SMARCA4: variants seen among roughly 807,000 people sequenced by gnomAD.
SMARCA4 encodes the protein SWI/SNF-related matrix-associated actin-dependent regulator of chromatin subfamily A member 4.
SMARCA4 carries 31 observed loss-of-function variants against 193.9 expected under a neutral mutation model. The ratio of observed to expected loss-of-function variants is 0.16; its 90% CI spans 0.12 to 0.22. SMARCA4 has a LOEUF of 0.22. SMARCA4 is among the 10% of genes least tolerant of loss of function. The pLI, the probability that SMARCA4 is intolerant of heterozygous loss-of-function variation, is 1.00. For missense variants in SMARCA4, 1,148 were observed against 2,296.0 expected (o/e 0.50, Z 10.22); for synonymous variants, 942 against 933.1 (o/e 1.01, Z -0.17).
chr19:11,060,446 C>T (rs1341934832), intron 34 of SMARCA4: 3 of 571,014 alleles, frequency 5.3e-6, no homozygotes, highest in East Asian at 5.9e-5. Flanking sequence ...CGTGAGTCCT[C>T]AGGACAGGCA....
At position 11,034,241 on chromosome 19, in the gene SMARCA4, C is replaced by G; in HGVS notation, c.3951+41C>G. 4.0e-6 allele frequency: 6 copies of G among 1,485,324 alleles called. No individual in the cohort carries two copies. The highest frequency in any genetic ancestry group is 5.6e-6 in the Non-Finnish European group (6 of 1,062,860). The allele number at this position is 1,485,324 out of a possible 1,614,324, so 92.0% of individuals were successfully genotyped here. ...TGGATGGGGCAGTTCAGGCATCCCA[C>G]TCTGCTGCCACCAGGAGCAAAGCAG... On this transcript the variant is annotated intron_variant, in intron 28 of 34. Coordinates refer to ENST00000344626, the MANE Select transcript of SMARCA4 (RefSeq NM_003072.5). The surrounding 1 kb of genome is among the most constrained non-coding windows in gnomAD (Gnocchi z 7.0).
At position 11,058,061 on chromosome 19, in the gene SMARCA4, G is replaced by A. The variant is rs573622379; in HGVS notation, c.4425-194G>A. Among the ~76,000 whole-genome samples the A allele has an allele frequency of 2.6e-5, 4 of 151,194 alleles. No homozygotes were observed. The highest frequency in any genetic ancestry group is 9.7e-5 in the African/African-American group (4 of 41,192). ...GTGGAGGTTGCAGTGAGCCGAGATC[G>A]CACCATTGCACTCCAGCCTGGGCAG... On this transcript the variant is annotated intron_variant, in intron 30 of 34. Transcript: ENST00000344626. The surrounding 1 kb of genome is among the most constrained non-coding windows in gnomAD (Gnocchi z 5.8).
chr19:10,968,612 A>G (rs1169481267), intron 1 of SMARCA4, among the ~76,000 whole-genome samples: 1 of 151,084 alleles, frequency 6.6e-6, no homozygotes, highest in Non-Finnish European at 1.5e-5. Context: ...CTTCCTGACT[A>G]GCTGTGATTA....
Position 11,010,498 on chromosome 19 carries a change from G to A in SMARCA4, c.2241G>A (p.Ala747=), listed in dbSNP as rs1236572142. 6 of 1,613,934 alleles carry A rather than the reference G, an allele frequency of 3.7e-6. No individual in the cohort carries two copies. Among genetic ancestry groups the A allele is most frequent in the Non-Finnish European group, 4.2e-6 (5 of 1,180,028 alleles). The change falls in exon 15 of 35, where the codon GCG becomes GCA. Residue 747 remains alanine, a synonymous_variant. Coordinates refer to ENST00000344626, the MANE Select transcript of SMARCA4 (RefSeq NM_003072.5). ...CTGAGAGAGTGGACAAGCAGTCAGCGCTTATGGTCAATGGTGTCCTCAAAC... is the reference window on the plus strand; with the variant it reads ...CTGAGAGAGTGGACAAGCAGTCAGCACTTATGGTCAATGGTGTCCTCAAAC... ...AVTERVDKQS[A]LMVNGVLKQY...
Position 11,021,975 on chromosome 19 carries a change from T to G in SMARCA4, c.2859+8T>G, listed in dbSNP as rs1555778883. The G allele has an allele frequency of 3.1e-6, 5 of 1,611,634 alleles. No homozygotes were observed. The Admixed American group carries it at 6.7e-5, about 21-fold the overall frequency. Reference sequence around the variant, plus strand: ...GCCATGACCGGGGAAAAGGTGGGTTTGCCCAGCTGTGCCCATGCTGACGGT... The same window carrying G: ...GCCATGACCGGGGAAAAGGTGGGTTGGCCCAGCTGTGCCCATGCTGACGGT... On this transcript the variant is annotated splice_region_variant and intron_variant, in intron 19 of 34. Transcript: ENST00000344626.
At chr19:10,963,677 C>G (rs551452207) in intron 1 of SMARCA4, among the ~76,000 whole-genome samples, 1 of 152,020 alleles carries the variant, frequency 6.6e-6, no homozygotes, top group Non-Finnish European at 1.5e-5. Flanking sequence ...CGAGGATGCC[C>G]GAAACTTCAC....
chr19:11,025,247 G>C (rs1249928573), intron 21 of SMARCA4, among the ~76,000 whole-genome samples, 175 bp from the exon 22 acceptor site: 1 of 152,096 alleles, frequency 6.6e-6, no homozygotes, highest in African/African-American at 2.4e-5. Context: ...AGGGCTTGTT[G>C]GGGGCCTCCG....
intron 30 of SMARCA4, among the ~76,000 whole-genome samples, chr19:11,046,234 A>G (rs981183803): frequency 1.3e-5 from 2 of 152,168 alleles, no homozygotes; most frequent in African/African-American, 4.8e-5. Flanking sequence ...AAAAAAAAAA[A>G]AAAACCCCAA....
chr19:10,964,681 G>A (rs917264642), intron 1 of SMARCA4, among the ~76,000 whole-genome samples: 1 of 151,282 alleles, frequency 6.6e-6, no homozygotes, highest in African/African-American at 2.4e-5. Context: ...GCAGTGGTGC[G>A]ATCTTGACTC....
At chr19:10,995,095 T>G in intron 9 of SMARCA4, 94 bp downstream of exon 9, 1 of 1,211,390 alleles carries the variant, frequency 8.3e-7, no homozygotes, top group Non-Finnish European at 1.2e-6. Context: ...CCAAGGCATT[T>G]CACAGCTCGG....
intron 30 of SMARCA4, among the ~76,000 whole-genome samples, chr19:11,045,381 G>A (rs940986707): frequency 1.3e-5 from 2 of 152,124 alleles, no homozygotes; most frequent in African/African-American, 2.4e-5. Context: ...CTGATCCACA[G>A]TAATGGCTGC....
In SMARCA4 at chr19:11,013,092, C is replaced by T. The variant is rs770432256; in HGVS notation, c.2418C>T (p.Phe806=). 4.3e-6 allele frequency: 7 copies of T among 1,614,164 alleles called. No individual in the cohort carries two copies. The East Asian group carries it at 1.1e-4, about 26-fold the overall frequency. ...LMEHKRINGP[F]LIIVPLSTLS... ...AGCACAAACGCATCAATGGGCCCTT[C>T]CTCATCATCGTGCCTCTCTCGTGAG... Residue 806 remains phenylalanine (F), a synonymous_variant, in exon 16 of 35, where the codon TTC becomes TTT. Coordinates refer to ENST00000344626, the MANE Select transcript of SMARCA4 (RefSeq NM_003072.5).
intron 1 of SMARCA4, among the ~76,000 whole-genome samples, chr19:10,972,083 C>T (rs947448735): frequency 6.6e-6 from 1 of 151,934 alleles, no homozygotes; most frequent in African/African-American, 2.4e-5. Flanking sequence ...AGCCCCCACA[C>T]CGAGTAGCTG....
intron 1 of SMARCA4, among the ~76,000 whole-genome samples, chr19:10,983,193 A>T (rs2085705622): frequency 6.6e-6 from 1 of 151,916 alleles, no homozygotes. Flanking sequence ...TTCCTTTCCC[A>T]TTTGTCTCTG....
intron 29 of SMARCA4, among the ~76,000 whole-genome samples, chr19:11,035,344 C>T (rs775965773): frequency 6.6e-6 from 1 of 152,228 alleles, no homozygotes; most frequent in Non-Finnish European, 1.5e-5. Context: ...GAAGGACCCA[C>T]GGTTCCTGAG....
chr19:10,984,168 C>G lies in SMARCA4; in HGVS notation c.17C>G (p.Pro6Arg). Residue 6 changes from proline to arginine, a missense_variant, in exon 2 of 35, where the codon CCA becomes CGA. Pro to Arg is a moderately radical substitution (Grantham distance 103). Coordinates refer to ENST00000344626, the MANE Select transcript of SMARCA4 (RefSeq NM_003072.5). This position sits in a 1 kb window ranked among gnomAD's most constrained non-coding sequence, Gnocchi z 4.3. The stretch of plus-strand genomic sequence containing the variant: ...CCCGTGAAGATGTCCACTCCAGACC[C>G]ACCCCTGGGCGGAACTCCTCGGCCA... The part of the protein sequence containing the change: MSTPD[P>R]PLGGTPRPGP... 1.2e-6 allele frequency: 2 copies of G among 1,613,652 alleles called. No homozygotes were observed. Among genetic ancestry groups the G allele is most frequent in the Non-Finnish European group, 1.7e-6 (2 of 1,179,912 alleles).
chr19:10,998,752 C>T (rs139982800), intron 11 of SMARCA4, among the ~76,000 whole-genome samples: 89 of 152,232 alleles, frequency 5.8e-4, no homozygotes, highest in African/African-American at 2.1e-3. Context: ...CTTTAGCCAG[C>T]AGGAGCCCCT....
Position 11,019,306 on chromosome 19 carries a change from C to A in SMARCA4, c.2505+283C>A. ...AGATGGGGACCCAGGAAGAGGGGAG[C>A]CTGTCAGCCACCAGGAATGTGCAGA... On this transcript the variant is annotated intron_variant, in intron 17 of 34. Transcript: ENST00000344626. This position sits in a 1 kb window ranked among gnomAD's most constrained non-coding sequence, Gnocchi z 6.1. 1.7e-6 allele frequency: 1 copy of A among 604,966 alleles called. No individual in the cohort carries two copies. Among genetic ancestry groups the A allele is most frequent in the East Asian group, 2.8e-5 (1 of 36,004 alleles). The allele number at this position is 604,966 out of a possible 1,614,324, so 37.5% of individuals were successfully genotyped here.
In SMARCA4 at chr19:11,062,134, A is replaced by C; in HGVS notation, c.*318A>C. On this transcript the variant is annotated 3_prime_UTR_variant, in exon 35 of 35. Transcript: ENST00000344626. ...TTGCGCCGCAGTTTGGAGTCACTGT[A>C]GTTAAGTGTGGATGCATGTGCGTCA... 1 of 481,894 alleles carries C rather than the reference A, an allele frequency of 2.1e-6. No individual in the cohort carries two copies. Among genetic ancestry groups the C allele is most frequent in the South Asian group, 2.2e-5 (1 of 45,314 alleles). The allele number at this position is 481,894 out of a possible 1,614,324, so 29.9% of individuals were successfully genotyped here.
Sources: allele counts gnomAD v4.1 joint callset (sites outside exome capture counted in the v4.1 genomes callset), GRCh38; gene constraint gnomAD v4.1.1; non-coding constraint Gnocchi (gnomAD v3.1); transcripts MANE v1.5; gene names NCBI Gene and HGNC (gene_info 2026-07-23, HGNC 2026-07-21).